The following TWF1 variants were observed in gnomAD, a reference collection of about 807,000 sequenced individuals.
TWF1 encodes the protein twinfilin actin binding protein 1.
A neutral mutation model predicts 47.9 loss-of-function variants in TWF1; 14 were observed. The ratio of observed to expected loss-of-function variants is 0.29; its 90% confidence interval spans 0.19 to 0.46. The LOEUF (loss-of-function observed/expected upper bound fraction) is 0.46, where lower values mean the gene tolerates loss of function less well. Ranked by LOEUF, TWF1 falls within the 20% of genes least tolerant of loss-of-function variation. The pLI is 1.00. For missense variants in TWF1, 281 were observed against 409.3 expected (o/e 0.69, Z 2.70); for synonymous variants, 96 against 139.2 (o/e 0.69, Z 2.18).
chr12:43,804,270 G>A (rs1592282099), intron 2 of TWF1: 2 of 527,562 alleles, frequency 3.8e-6, no homozygotes, highest in Admixed American at 2.6e-5. Flanking sequence ...AGAGGAAGAA[G>A]TCACATCAAA....
intron 5 of TWF1, among the ~76,000 whole-genome samples, chr12:43,798,212 G>A (rs966046702): frequency 2.0e-5 from 3 of 152,062 alleles, no homozygotes; most frequent in South Asian, 2.1e-4. Flanking sequence ...ACTTTGTTCT[G>A]TTGGACAGAA....
Position 43,797,011 on chromosome 12 carries a change from C to A in TWF1, c.847G>T (p.Val283Leu). Residue 283 changes from valine (V) to leucine (L), a missense_variant, in exon 8 of 9, where the codon GTA becomes TTA. By Grantham distance (32) the Val-to-Leu change is conservative (BLOSUM62 1). Transcript: ENST00000395510. ...ACATCCATTTGTAGTTGTCTTTCTACAATTTCTAGCAGACGGCTCTTGCAG... is the reference window on the plus strand; with the variant it reads ...ACATCCATTTGTAGTTGTCTTTCTAAAATTTCTAGCAGACGGCTCTTGCAG... ...SSCKSRLLEIVERQLQMDVIR... is the reference protein window; with the variant it reads ...SSCKSRLLEILERQLQMDVIR... 1 of 1,611,384 alleles carries A rather than the reference C, an allele frequency of 6.2e-7. No individual in the cohort carries two copies. The highest frequency in any genetic ancestry group is 8.5e-7 in the Non-Finnish European group (1 of 1,179,320).
In TWF1 at chr12:43,795,511, G is replaced by A; in HGVS notation, c.*74C>T. On this transcript the variant is annotated 3_prime_UTR_variant, in exon 9 of 9. Coordinates refer to ENST00000395510, the MANE Select transcript of TWF1 (RefSeq NM_002822.5). ...TTTTTCCCTACTTTATATCAACATG[G>A]AATGATTTCAGTTCTCCTGTACTAA... is the stretch of plus-strand genomic sequence containing the variant. 8.4e-6 allele frequency: 12 copies of A among 1,422,032 alleles called. No individual in the cohort carries two copies. The highest frequency in any genetic ancestry group is 1.1e-5 in the Non-Finnish European group (11 of 1,046,638). 88.1% of individuals were successfully genotyped at this position (1,422,032 alleles called of 1,614,324 possible).
chr12:43,804,602 T>C, intron 1 of TWF1, 30 bp from the exon 2 acceptor site: 1 of 1,469,832 alleles, frequency 6.8e-7, no homozygotes, highest in Non-Finnish European at 9.3e-7. Context: ...AAGTAAACTT[T>C]TTATACTTAC....
intron 5 of TWF1, among the ~76,000 whole-genome samples, 171 bp from the exon 6 acceptor site, chr12:43,798,004 G>A (rs770233154): frequency 2.0e-4 from 30 of 152,090 alleles, no homozygotes; most frequent in South Asian, 4.1e-4. Context: ...AACATGCAGA[G>A]TGCATGACAC....
chr12:43,800,644 A>C, intron 3 of TWF1, 114 bp from the exon 4 acceptor site: 1 of 737,284 alleles, frequency 1.4e-6, no homozygotes, highest in Non-Finnish European at 2.3e-6. Context: ...AACTGAGCTG[A>C]AGTCCACCCA....
chr12:43,801,151 G>A (rs1035196610), intron 3 of TWF1, among the ~76,000 whole-genome samples: 1 of 152,170 alleles, frequency 6.6e-6, no homozygotes, highest in Non-Finnish European at 1.5e-5. Context: ...AAACTGAAAT[G>A]AAGTAACTTT....
chr12:43,804,195 C>G (rs1293222020), intron 2 of TWF1: 1 of 445,752 alleles, frequency 2.2e-6, no homozygotes, highest in Non-Finnish European at 4.4e-6. Context: ...GATTTCCATT[C>G]CAGAGATGGA....
chr12:43,797,846 G>T lies in TWF1; in HGVS notation c.484-13C>A. On this transcript the variant is annotated splice_polypyrimidine_tract_variant and intron_variant, in intron 5 of 8. Transcript: ENST00000395510. ...CGTCAGTCTGTACCTAAGTATGACA[G>T]ATTTAATTTACAAGTTTAGCAGTTA... 2 of 1,607,400 alleles carry T rather than the reference G, an allele frequency of 1.2e-6. No individual in the cohort carries two copies. Among genetic ancestry groups the T allele is most frequent in the Non-Finnish European group, 1.7e-6 (2 of 1,177,106 alleles).
chr12:43,799,510 TACAG>T lies in TWF1; in HGVS notation c.379-12_379-9del. ...ATGTAATGATACATCTTCCTGTAAGTACAGAATAGACTATAATCAGTAATTCTCT... is the reference window on the plus strand; with the variant it reads ...ATGTAATGATACATCTTCCTGTAAGTAATAGACTATAATCAGTAATTCTCT... On this transcript the variant is annotated splice_polypyrimidine_tract_variant and intron_variant, in intron 4 of 8. Coordinates refer to ENST00000395510, the MANE Select transcript of TWF1 (RefSeq NM_002822.5). 6.6e-7 allele frequency: 1 copy of T among 1,522,688 alleles called. No individual in the cohort carries two copies. Among genetic ancestry groups the T allele is most frequent in the Non-Finnish European group, 9.1e-7 (1 of 1,103,156 alleles). 94.3% of individuals were successfully genotyped at this position (1,522,688 alleles called of 1,614,324 possible). A position where few individuals can be genotyped will look rare whatever the true frequency, so the allele number is the denominator to read the frequency against.
At chr12:43,805,417 G>A (rs918227850) in intron 1 of TWF1, 15 of 383,434 alleles carry the variant, frequency 3.9e-5, no homozygotes, top group Non-Finnish European at 5.8e-5. Flanking sequence ...GTTCATCTGG[G>A]AGAAAGACTC....
At chr12:43,804,227 CTGT>C (rs1942715068) in intron 2 of TWF1, 1 of 482,586 alleles carries the variant, frequency 2.1e-6, no homozygotes, top group Non-Finnish European at 4.0e-6. Flanking sequence ...TAGAAATGGA[CTGT>C]GGTGCAGAAA....
At chr12:43,795,957 T>C (rs1270917452) in intron 8 of TWF1, among the ~76,000 whole-genome samples, 1 of 152,214 alleles carries the variant, frequency 6.6e-6, no homozygotes, top group East Asian at 1.9e-4. Flanking sequence ...ATTCACTTCC[T>C]TCTTGGTTCT....
chr12:43,800,781 G>C (rs1942646033), intron 3 of TWF1, among the ~76,000 whole-genome samples: 1 of 152,082 alleles, frequency 6.6e-6, no homozygotes, highest in South Asian at 2.1e-4. Flanking sequence ...ACGCAGATTT[G>C]CTCTTGTTGC....
At chr12:43,797,939 A>G in intron 5 of TWF1, 106 bp from the exon 6 acceptor site, 2 of 1,149,360 alleles carry the variant, frequency 1.7e-6, no homozygotes, top group South Asian at 1.7e-5. Context: ...CCCTAGCCCA[A>G]CCTATAATTA....
intron 3 of TWF1, among the ~76,000 whole-genome samples, 183 bp downstream of exon 3, chr12:43,802,103 G>C (rs1314226864): frequency 6.6e-6 from 1 of 152,114 alleles, no homozygotes; most frequent in Non-Finnish European, 1.5e-5. Context: ...TTGATTTCAA[G>C]GGCAAAACTC....
intron 6 of TWF1, 91 bp downstream of exon 6, chr12:43,797,617 T>C (rs957716891): frequency 3.4e-5 from 50 of 1,481,712 alleles, no homozygotes; most frequent in Non-Finnish European, 4.2e-5. Flanking sequence ...AGAAAGCTAT[T>C]TAAAATGTAA....
At position 43,802,487 on chromosome 12, in the gene TWF1, A is replaced by G. The variant is rs181586881; in HGVS notation, c.104-23T>C. 1.4e-5 allele frequency: 22 copies of G among 1,569,740 alleles called. No individual in the cohort carries two copies. The African/African-American group carries it at 2.9e-4, about 20-fold the overall frequency. On this transcript the variant is annotated intron_variant, in intron 2 of 8. Transcript: ENST00000395510. ...GCTCTATGAAAAATTATTTTTAGAA[A>G]GATAGGTAAATGGTTTGAGATATCA...
intron 2 of TWF1, among the ~76,000 whole-genome samples, chr12:43,803,870 A>T (rs540317989): frequency 6.6e-6 from 1 of 152,256 alleles, no homozygotes; most frequent in African/African-American, 2.4e-5. Flanking sequence ...AGGCCACTGG[A>T]ATATTTTAAT....
Sources: gnomAD v4.1 joint callset for allele counts (sites outside exome capture counted in the v4.1 genomes callset) on GRCh38, gnomAD v4.1.1 for gene constraint, MANE v1.5 for transcripts, NCBI Gene and HGNC (gene_info 2026-07-23, HGNC 2026-07-21) for gene names.